Variants in PPP2R3B observed in about 807,000 individuals in gnomAD.
The protein encoded by PPP2R3B is serine/threonine-protein phosphatase 2A regulatory subunit B'' subunit beta.
A neutral mutation model predicts 72.9 loss-of-function variants in PPP2R3B; 68 were observed. The ratio of observed to expected loss-of-function variants is 0.93; its 90% CI spans 0.77 to 1.14. PPP2R3B has a LOEUF of 1.14. Among genes scored for constraint, PPP2R3B ranks in the 50% most tolerant of loss-of-function variants. PPP2R3B has a pLI of 0.00. For synonymous variants in PPP2R3B, 466 were observed against 375.8 expected, an observed-to-expected ratio of 1.24 and a Z score of -2.78; for missense variants, 1,018 against 842.0, an observed-to-expected ratio of 1.21 and a Z score of -2.59.
chrX:368,934 G>A lies in PPP2R3B; in HGVS notation c.325-7344C>T, dbSNP rs758169886. Among the ~76,000 whole-genome samples, 35 of 152,326 alleles carry A rather than the reference G, an allele frequency of 2.3e-4. 1 individual carries two copies. The East Asian group carries it at 3.3e-3, about 14-fold the overall frequency. On this transcript the variant is annotated intron_variant, in intron 1 of 12. Coordinates refer to ENST00000390665, the MANE Select transcript of PPP2R3B (RefSeq NM_013239.5). ...CCACCCACCATGGGCACTAATAGACGAGAGATGGAACAAACAACACAACCA... is the reference window on the plus strand; with the variant it reads ...CCACCCACCATGGGCACTAATAGACAAGAGATGGAACAAACAACACAACCA...
chrX:356,862 CG>C (rs2071446435), intron 2 of PPP2R3B, among the ~76,000 whole-genome samples: 3 of 87,708 alleles, frequency 3.4e-5, no homozygotes, highest in African/African-American at 5.5e-5. Context: ...AGCCACACAG[CG>C]AGCCCCACAG....
chrX:384,182 G>A (rs945340247), intron 1 of PPP2R3B, among the ~76,000 whole-genome samples: 2 of 151,948 alleles, frequency 1.3e-5, no homozygotes, highest in Non-Finnish European at 2.9e-5. Flanking sequence ...ACTCGTTTTT[G>A]AGATTCAAGA....
chrX:346,234 C>A lies in PPP2R3B; in HGVS notation c.819G>T (p.Val273=). 1 of 1,572,494 alleles carries A rather than the reference C, an allele frequency of 6.4e-7. No homozygotes were observed. The highest frequency in any genetic ancestry group is 2.4e-5 in the East Asian group (1 of 42,234). Reference sequence around the variant, plus strand: ...TGATCCTGCCGGACCAGGACCGGTTCACGGCGTAGAAGATCCGCTGGATGA... The same window carrying A: ...TGATCCTGCCGGACCAGGACCGGTTAACGGCGTAGAAGATCCGCTGGATGA... ...TTVIQRIFYA[V]NRSWSGRITC... The change falls in exon 6 of 13, where the codon GTG becomes GTT. Residue 273 remains valine, a synonymous_variant. Coordinates refer to ENST00000390665, the MANE Select transcript of PPP2R3B (RefSeq NM_013239.5).
At chrX:352,197 T>C (rs1175476017) in intron 2 of PPP2R3B, among the ~76,000 whole-genome samples, 1 of 152,212 alleles carries the variant, frequency 6.6e-6, no homozygotes, top group Non-Finnish European at 1.5e-5. Flanking sequence ...ACAAAATCCT[T>C]ATGGGAAAGG....
intron 2 of PPP2R3B, among the ~76,000 whole-genome samples, chrX:356,783 A>C (rs1310717120): frequency 9.1e-5 from 11 of 121,056 alleles, no homozygotes; most frequent in Non-Finnish European, 1.8e-5. Flanking sequence ...CCAGGGACAC[A>C]TAGTGAGCCC....
At chrX:354,041 AGGGGCTCACCCAAAGACC>A (rs1381471515) in intron 2 of PPP2R3B, among the ~76,000 whole-genome samples, 1,989 of 88,338 alleles carry the variant, frequency 0.023, 121 homozygotes, top group Admixed American at 0.092. Context: ...CCCAGGGACC[AGGGGCTCACCCAAAGACC>A]GGGGCTCGCC....
intron 1 of PPP2R3B, among the ~76,000 whole-genome samples, chrX:363,374 A>G (rs1402232382): frequency 1.0e-4 from 15 of 146,084 alleles, no homozygotes; most frequent in South Asian, 4.4e-4. Flanking sequence ...CGAGCCCACC[A>G]TCCCACAGTG....
rs5987287 is a variant in PPP2R3B, at chrX:364,586, A to T, written c.325-2996T>A. Among the ~76,000 whole-genome samples the T allele has an allele frequency of 1.6e-3, 194 of 121,614 alleles. 6 individuals carry two copies. Among genetic ancestry groups the T allele is most frequent in the African/African-American group, 2.2e-3 (65 of 29,776 alleles). 79.8% of individuals were successfully genotyped at this position (121,614 alleles called of 152,430 possible). A position where few individuals can be genotyped will look rare whatever the true frequency, so the allele number is the denominator to read the frequency against. Reference sequence around the variant, plus strand: ...AAAAAAAATTAGCCGGGTGTGGTGGAGGGTGCCTGTACTCCCAGCTACTCG... The same window carrying T: ...AAAAAAAATTAGCCGGGTGTGGTGGTGGGTGCCTGTACTCCCAGCTACTCG... On this transcript the variant is annotated intron_variant, in intron 1 of 12. Transcript: ENST00000390665.
At position 339,064 on chromosome X, in the gene PPP2R3B, T is replaced by C. The variant is rs760589654; in HGVS notation, c.1352-168A>G. Reference sequence around the variant, plus strand: ...GGCGGACACGCGAGTGTCCTGGTTCTGGGTGGGGACTGAGGCGTGGGAGGC... The same window carrying C: ...GGCGGACACGCGAGTGTCCTGGTTCCGGGTGGGGACTGAGGCGTGGGAGGC... On this transcript the variant is annotated intron_variant, in intron 10 of 12. Transcript: ENST00000390665. Among the ~76,000 whole-genome samples the C allele has an allele frequency of 4.6e-5, 7 of 152,180 alleles. No homozygotes were observed. The East Asian group carries it at 5.9e-4, about 13-fold the overall frequency.
Position 341,305 on chromosome X carries a change from A to T in PPP2R3B, c.1175+2T>A. ...CAAACGCATGCCGCAGCAGGAACCCACCTGGTCGGTGTTTTTTTGTCTTCC... is the reference window on the plus strand; with the variant it reads ...CAAACGCATGCCGCAGCAGGAACCCTCCTGGTCGGTGTTTTTTTGTCTTCC... On this transcript the variant is annotated splice_donor_variant, in intron 9 of 12. Coordinates refer to ENST00000390665, the MANE Select transcript of PPP2R3B (RefSeq NM_013239.5). LOFTEE classifies it high-confidence loss of function. 1 of 1,612,336 alleles carries T rather than the reference A, an allele frequency of 6.2e-7. No individual in the cohort carries two copies. Among genetic ancestry groups the T allele is most frequent in the East Asian group, 2.2e-5 (1 of 44,844 alleles).
chrX:373,072 C>T (rs1021432571), intron 1 of PPP2R3B, among the ~76,000 whole-genome samples: 2 of 152,106 alleles, frequency 1.3e-5, no homozygotes, highest in Non-Finnish European at 2.9e-5. Flanking sequence ...GCAATAACGC[C>T]GGGAAAGTTT....
intron 1 of PPP2R3B, among the ~76,000 whole-genome samples, chrX:376,715 G>A (rs1425040672): frequency 3.6e-5 from 3 of 82,520 alleles, no homozygotes; most frequent in Non-Finnish European, 5.1e-5. Context: ...GGGACGGGCC[G>A]TCCACACCCA....
At position 342,105 on chromosome X, in the gene PPP2R3B, G is replaced by A. The variant is rs1229984770; in HGVS notation, c.1037-174C>T. The A allele has an allele frequency of 5.6e-6, 4 of 716,732 alleles. No homozygotes were observed. In the East Asian group the frequency reaches 1.0e-4, roughly 18 times the overall value. The allele number at this position is 716,732 out of a possible 1,614,324, so 44.4% of individuals were successfully genotyped here. The stretch of plus-strand genomic sequence containing the variant: ...ACGGCCCATCCTAGGGGCCCACCAC[G>A]CTTTCCCGTCGAGCAGAGCCAAGTC... On this transcript the variant is annotated intron_variant, in intron 7 of 12. Transcript: ENST00000390665.
intron 7 of PPP2R3B, chrX:345,025 C>A (rs2071166745): frequency 5.3e-6 from 2 of 376,502 alleles, no homozygotes; most frequent in Non-Finnish European, 1.0e-5. Flanking sequence ...CTTAGAGGGG[C>A]CGGGAGGCAG....
At chrX:351,235 C>T (rs1449052642) in intron 2 of PPP2R3B, among the ~76,000 whole-genome samples, 1 of 152,096 alleles carries the variant, frequency 6.6e-6, no homozygotes, top group Admixed American at 6.5e-5. Context: ...CGTCCCGGTG[C>T]GGTGGGAGGG....
In PPP2R3B at chrX:346,248, TC is replaced by T. The variant is rs753895716; in HGVS notation, c.804del (p.Ile269SerfsTer5). ...HSRYITTVIQ[R>X]IFYAVNRSWS... ...CAGGACCGGTTCACGGCGTAGAAGATCCGCTGGATGACCTGCGGGGGCGCTG... is the reference window on the plus strand; with the variant it reads ...CAGGACCGGTTCACGGCGTAGAAGATCGCTGGATGACCTGCGGGGGCGCTG... On this transcript the variant is annotated frameshift_variant, in exon 6 of 13. Transcript: ENST00000390665. LOFTEE classifies it high-confidence loss of function. 5.1e-6 allele frequency: 8 copies of T among 1,569,338 alleles called. No homozygotes were observed. The highest frequency in any genetic ancestry group is 6.9e-6 in the Non-Finnish European group (8 of 1,159,032).
chrX:344,916 T>C (rs1429582115), intron 7 of PPP2R3B: 5 of 345,658 alleles, frequency 1.4e-5, no homozygotes, highest in Middle Eastern at 1.0e-3. Flanking sequence ...CTTGGTCATA[T>C]GGTTTTTTGG....
At chrX:342,147 G>A (rs1210782057) in intron 7 of PPP2R3B, 2 of 634,256 alleles carry the variant, frequency 3.2e-6, no homozygotes, top group African/African-American at 3.7e-5. Context: ...GAAATCCACA[G>A]AGCGCAAAGC....
intron 7 of PPP2R3B, chrX:345,011 G>C: frequency 2.8e-6 from 1 of 361,410 alleles, no homozygotes; most frequent in South Asian, 2.1e-5. Flanking sequence ...AAGTGTGGAT[G>C]ACTCTTAGAG....
Sources: allele counts gnomAD v4.1 joint callset (sites outside exome capture counted in the v4.1 genomes callset), GRCh38; gene constraint gnomAD v4.1.1; transcripts MANE v1.5; gene names NCBI Gene and HGNC (gene_info 2026-07-23, HGNC 2026-07-21).